Variants in GRM8 observed in about 807,000 individuals in gnomAD.
GRM8 encodes metabotropic glutamate receptor 8.
GRM8 carries 47 observed loss-of-function variants against 87.2 expected under a neutral mutation model. That is an observed-to-expected ratio of 0.54 (90% CI 0.43 to 0.69). GRM8 has a LOEUF of 0.69. GRM8 is among the 30% of genes least tolerant of loss of function. GRM8 has a pLI of 0.00. For synonymous variants in GRM8, 396 were observed against 404.5 expected (o/e 0.98, Z 0.25); for missense variants, 1,019 against 1,139.2 (o/e 0.89, Z 1.52).
intron 3 of GRM8, among the ~76,000 whole-genome samples, chr7:126,938,936 C>T (rs181410900): frequency 6.6e-6 from 1 of 152,164 alleles, no homozygotes; most frequent in Non-Finnish European, 1.5e-5. Context: ...AGCTACTTAC[C>T]TAGACTCTCT....
intron 6 of GRM8, among the ~76,000 whole-genome samples, chr7:126,814,339 A>G (rs1008158625): frequency 7.9e-5 from 12 of 152,106 alleles, no homozygotes; most frequent in African/African-American, 2.7e-4. Flanking sequence ...CCTCCCCTGT[A>G]AGGGACCTTA....
chr7:126,950,818 G>C (rs898825189), intron 3 of GRM8, among the ~76,000 whole-genome samples: 28 of 151,998 alleles, frequency 1.8e-4, no homozygotes, highest in African/African-American at 6.0e-4. Flanking sequence ...AGTTGTAAAA[G>C]TCAAAAACTT....
intron 6 of GRM8, among the ~76,000 whole-genome samples, chr7:126,782,815 G>A (rs1430523344): frequency 6.6e-6 from 1 of 152,150 alleles, no homozygotes; most frequent in Admixed American, 6.5e-5. Flanking sequence ...TCTGTACAAT[G>A]CAGTCAATCC....
At chr7:126,667,061 A>G (rs1406813128) in intron 7 of GRM8, among the ~76,000 whole-genome samples, 1 of 152,192 alleles carries the variant, frequency 6.6e-6, no homozygotes, top group East Asian at 1.9e-4. Context: ...TAACAACAAT[A>G]ATGATAATAA....
At chr7:126,895,424 T>G (rs963581598) in intron 6 of GRM8, among the ~76,000 whole-genome samples, 3 of 152,078 alleles carry the variant, frequency 2.0e-5, no homozygotes, top group African/African-American at 7.2e-5. Context: ...CACCTGGAAC[T>G]CATCAGAAAT....
chr7:127,173,090 T>C (rs1793909534), intron 2 of GRM8, among the ~76,000 whole-genome samples: 1 of 152,198 alleles, frequency 6.6e-6, no homozygotes, highest in Admixed American at 6.5e-5. Context: ...CAAGCACTGG[T>C]CTAGGCACCA....
intron 6 of GRM8, among the ~76,000 whole-genome samples, chr7:126,841,157 G>C (rs886852087): frequency 2.0e-5 from 3 of 152,314 alleles, no homozygotes; most frequent in African/African-American, 7.2e-5. Flanking sequence ...CCCAAATTTT[G>C]TGGCTTATAA....
intron 3 of GRM8, among the ~76,000 whole-genome samples, chr7:127,030,168 C>A (rs959891867): frequency 6.6e-6 from 1 of 152,048 alleles, no homozygotes; most frequent in East Asian, 1.9e-4. Context: ...CCTACTCCTA[C>A]ACATTGGTCC....
At chr7:126,536,912 T>C (rs12154383) in intron 8 of GRM8, among the ~76,000 whole-genome samples, 24,886 of 151,990 alleles carry the variant, frequency 0.16, 2,199 homozygotes, top group Middle Eastern at 0.2. Flanking sequence ...ACCTTAAAGG[T>C]CAGTTTCTCT....
chr7:127,026,282 T>C (rs1434092420), intron 3 of GRM8, among the ~76,000 whole-genome samples: 1 of 152,212 alleles, frequency 6.6e-6, no homozygotes, highest in East Asian at 1.9e-4. Context: ...AAGTCTTTGC[T>C]ATTGGGAATA....
chr7:126,640,646 C>T (rs1802281352), intron 7 of GRM8, among the ~76,000 whole-genome samples: 1 of 152,050 alleles, frequency 6.6e-6, no homozygotes, highest in South Asian at 2.1e-4. Context: ...AGGAGTAAAG[C>T]TGTCTGGTTG....
At chr7:126,583,357 A>T (rs546343295) in intron 8 of GRM8, among the ~76,000 whole-genome samples, 6 of 150,328 alleles carry the variant, frequency 4.0e-5, no homozygotes, top group African/African-American at 1.2e-4. Context: ...ACTCTGTCTC[A>T]CACACACACA....
At chr7:126,477,001 A>C (rs770887880) in intron 9 of GRM8, among the ~76,000 whole-genome samples, 1 of 152,174 alleles carries the variant, frequency 6.6e-6, no homozygotes, top group Non-Finnish European at 1.5e-5. Context: ...ATCTGTCAGC[A>C]GGAAATGAAT....
chr7:126,926,094 T>A, intron 3 of GRM8, among the ~76,000 whole-genome samples: 1 of 152,140 alleles, frequency 6.6e-6, no homozygotes, highest in Non-Finnish European at 1.5e-5. Context: ...TACTGTATGG[T>A]TAACGTTCTC....
At chr7:126,589,891 C>A (rs1796518434) in intron 8 of GRM8, among the ~76,000 whole-genome samples, 1 of 151,994 alleles carries the variant, frequency 6.6e-6, no homozygotes, top group Admixed American at 6.6e-5. Context: ...GCCCTTGAGC[C>A]CCAGATCTTC....
At chr7:126,703,538 C>T (rs1334198311) in intron 7 of GRM8, among the ~76,000 whole-genome samples, 1 of 152,082 alleles carries the variant, frequency 6.6e-6, no homozygotes, top group Admixed American at 6.6e-5. Context: ...AGAAACAAAA[C>T]CTCAGAGCAC....
At chr7:126,757,997 T>C (rs1020690910) in intron 7 of GRM8, among the ~76,000 whole-genome samples, 2 of 152,102 alleles carry the variant, frequency 1.3e-5, no homozygotes, top group Non-Finnish European at 2.9e-5. Flanking sequence ...AACTAAAAAG[T>C]CTAAACCTTT....
At chr7:127,223,443 G>GCACACACACACACA (rs61674303) in intron 2 of GRM8, among the ~76,000 whole-genome samples, 1 of 143,980 alleles carries the variant, frequency 6.9e-6, no homozygotes, top group Admixed American at 7.1e-5. Flanking sequence ...ACACACACAC[G>GCACACACACACACA]CACACACACA....
intron 7 of GRM8, among the ~76,000 whole-genome samples, chr7:126,618,918 T>A (rs1799813090): frequency 6.6e-6 from 1 of 152,220 alleles, no homozygotes; most frequent in African/African-American, 2.4e-5. Context: ...ACTTTTACAC[T>A]GTTGTTGGGA....
Sources: allele counts gnomAD v4.1 joint callset (sites outside exome capture counted in the v4.1 genomes callset), GRCh38; gene constraint gnomAD v4.1.1; transcripts MANE v1.5; gene names NCBI Gene and HGNC (gene_info 2026-07-23, HGNC 2026-07-21).